The following SKA3 variants were observed in gnomAD, a reference collection of about 807,000 sequenced individuals.
The protein encoded by SKA3 is spindle and kinetochore-associated protein 3.
In SKA3, 39 loss-of-function variants were observed where a neutral mutation model predicts 44.2. The observed-to-expected ratio is 0.88, with a 90% CI of 0.68 to 1.15. The LOEUF (loss-of-function observed/expected upper bound fraction) is 1.15. Among genes scored for constraint, SKA3 ranks in the 50% most tolerant of loss-of-function variants. SKA3 has a pLI of 0.00. For missense variants in SKA3, 511 were observed against 485.8 expected (o/e 1.05, Z -0.49); for synonymous variants, 192 against 172.0 (o/e 1.12, Z -0.91).
At chr13:21,156,573 A>G (rs1039838089) in intron 7 of SKA3, among the ~76,000 whole-genome samples, 4 of 152,244 alleles carry the variant, frequency 2.6e-5, no homozygotes, top group Admixed American at 2.0e-4. Flanking sequence ...TCATAAAGAC[A>G]GAAGATGCTC....
intron 4 of SKA3, among the ~76,000 whole-genome samples, chr13:21,163,585 T>A (rs1870553438): frequency 6.6e-6 from 1 of 152,166 alleles, no homozygotes; most frequent in Admixed American, 6.5e-5. Flanking sequence ...TTTTTTGGTA[T>A]TCTCTCTCTT....
In SKA3 at chr13:21,168,335, A is replaced by T. The variant is rs760222577; in HGVS notation, c.396T>A (p.Thr132=). ...ELSNCENFQK[T]DVKDDLSDPP... ...GATCAGACAGATCATCTTTCACATCAGTCTTCTGAAAATTTTCACAATTAG... is the reference window on the plus strand; with the variant it reads ...GATCAGACAGATCATCTTTCACATCTGTCTTCTGAAAATTTTCACAATTAG... Residue 132 remains threonine (T), a synonymous_variant, in exon 4 of 9, where the codon ACT becomes ACA. Transcript: ENST00000314759. 2 of 1,613,900 alleles carry T rather than the reference A, an allele frequency of 1.2e-6. No homozygotes were observed.
chr13:21,175,408 C>T lies in SKA3; in HGVS notation c.103+967G>A, dbSNP rs564316730. ...TCTCCTACCTCAGCCTCCCGAGTAG[C>T]TGGGACTACCGGCGCCCGCCACCAC... On this transcript the variant is annotated intron_variant, in intron 1 of 8. Transcript: ENST00000314759. 4.0e-5 allele frequency among the ~76,000 whole-genome samples: 6 copies of T among 151,898 alleles called. No individual in the cohort carries two copies. In the East Asian group the frequency reaches 1.2e-3, roughly 29 times the overall value.
Position 21,168,136 on chromosome 13 carries a change from T to G in SKA3, c.595A>C (p.Lys199Gln). 6.2e-7 allele frequency: 1 copy of G among 1,614,230 alleles called. No individual in the cohort carries two copies. Among genetic ancestry groups the G allele is most frequent in the South Asian group, 1.1e-5 (1 of 91,088 alleles). Residue 199 changes from lysine to glutamine, a missense_variant, in exon 4 of 9, where the codon AAA (lysine) becomes CAA (glutamine). Physicochemically the swap from Lys to Gln is moderately conservative, Grantham distance 53 (BLOSUM62 1). Coordinates refer to ENST00000314759, the MANE Select transcript of SKA3 (RefSeq NM_145061.6). ...GCACATTTTGGAGTTTTTAGTACTT[T>G]TACTAGTGATTGTTTGGTAGGTGGG... ...VTPPTKQSLVKVLKTPKCALK... is the reference protein window; with the variant it reads ...VTPPTKQSLVQVLKTPKCALK...
chr13:21,167,639 C>T (rs888371782), intron 4 of SKA3, among the ~76,000 whole-genome samples: 7 of 151,800 alleles, frequency 4.6e-5, no homozygotes, highest in Non-Finnish European at 7.4e-5. Flanking sequence ...TGGTGGCTGG[C>T]GCCTGTATTC....
chr13:21,166,124 TCTC>T (rs1870700331), intron 4 of SKA3, among the ~76,000 whole-genome samples: 1 of 151,740 alleles, frequency 6.6e-6, no homozygotes, highest in Non-Finnish European at 1.5e-5. Flanking sequence ...TTCAAGCAAT[TCTC>T]CTGCTTCAGC....
At chr13:21,165,313 T>C (rs1039903270) in intron 4 of SKA3, among the ~76,000 whole-genome samples, 1 of 151,608 alleles carries the variant, frequency 6.6e-6, no homozygotes, top group Non-Finnish European at 1.5e-5. Flanking sequence ...CACCTACTCC[T>C]TGGGAAGCTG....
intron 1 of SKA3, 156 bp from the exon 2 acceptor site, chr13:21,172,837 G>A (rs200344223): frequency 7.5e-5 from 25 of 334,260 alleles, no homozygotes; most frequent in East Asian, 5.9e-4. Context: ...ATTTTTTACC[G>A]TACCTTTTTT....
At chr13:21,160,316 AC>A (rs1322287076) in intron 5 of SKA3, among the ~76,000 whole-genome samples, 1 of 152,160 alleles carries the variant, frequency 6.6e-6, no homozygotes, top group Admixed American at 6.5e-5. Flanking sequence ...AAGACGGAGA[AC>A]AGGTCACTTG....
At chr13:21,163,215 AAG>A (rs1015544486) in intron 4 of SKA3, among the ~76,000 whole-genome samples, 2 of 151,712 alleles carry the variant, frequency 1.3e-5, no homozygotes, top group Non-Finnish European at 2.9e-5. Context: ...AAAAGAAAGA[AAG>A]AAAGAAAGAA....
chr13:21,167,178 C>T (rs924966973), intron 4 of SKA3, among the ~76,000 whole-genome samples: 2 of 152,174 alleles, frequency 1.3e-5, no homozygotes, highest in African/African-American at 4.8e-5. Context: ...CCTATCCCCC[C>T]ATACTCCAGG....
chr13:21,176,360 G>A lies in SKA3; in HGVS notation c.103+15C>T. On this transcript the variant is annotated intron_variant, in intron 1 of 8. Transcript: ENST00000314759. ...GCACCCCACGCACCGTGCCCTGGCC[G>A]CCCGCCTCACGCACCGCTTTCCTCT... is the stretch of plus-strand genomic sequence containing the variant. 1 of 1,191,624 alleles carries A rather than the reference G, an allele frequency of 8.4e-7. No homozygotes were observed. Among genetic ancestry groups the A allele is most frequent in the Non-Finnish European group, 1.1e-6 (1 of 903,630 alleles). 73.8% of individuals were successfully genotyped at this position (1,191,624 alleles called of 1,614,324 possible). A position where few individuals can be genotyped will look rare whatever the true frequency, so the allele number is the denominator to read the frequency against.
At chr13:21,164,016 G>A (rs1870576143) in intron 4 of SKA3, among the ~76,000 whole-genome samples, 2 of 151,718 alleles carry the variant, frequency 1.3e-5, no homozygotes, top group African/African-American at 4.8e-5. Context: ...CACCCACCTT[G>A]GCCTCCCAAA....
chr13:21,157,189 T>C (rs527728346), intron 7 of SKA3, among the ~76,000 whole-genome samples: 28 of 152,366 alleles, frequency 1.8e-4, no homozygotes, highest in Middle Eastern at 3.4e-3. Flanking sequence ...GCAGTTGTTA[T>C]AAGTCATTAG....
Position 21,172,437 on chromosome 13 carries a change from G to A in SKA3, c.233C>T (p.Ala78Val), listed in dbSNP as rs754092359. The change falls in exon 3 of 9, where the codon GCA becomes GTA. Residue 78 changes from alanine (A) to valine (V), a missense_variant. Ala to Val is a moderately conservative substitution (Grantham distance 64). Transcript: ENST00000314759. ...ATTTTTTTCCATTAGTACTTTTGTTGCCTTTATGAAATCAATGCCTTCTTG... is the reference window on the plus strand; with the variant it reads ...ATTTTTTTCCATTAGTACTTTTGTTACCTTTATGAAATCAATGCCTTCTTG... ...ENQEGIDFIK[A>V]TKVLMEKNSM... 6.3e-7 allele frequency: 1 copy of A among 1,591,828 alleles called. No homozygotes were observed. The highest frequency in any genetic ancestry group is 8.5e-7 in the Non-Finnish European group (1 of 1,172,154).
chr13:21,168,358 T>C lies in SKA3; in HGVS notation c.373A>G (p.Asn125Asp), dbSNP rs1169201304. 8.1e-6 allele frequency: 13 copies of C among 1,613,880 alleles called. No individual in the cohort carries two copies. The highest frequency in any genetic ancestry group is 2.7e-5 in the African/African-American group (2 of 75,016). Residue 125 changes from asparagine to aspartate, a missense_variant, in exon 4 of 9, where the codon AAT becomes GAT. By Grantham distance (23) the Asn-to-Asp change is conservative. Coordinates refer to ENST00000314759, the MANE Select transcript of SKA3 (RefSeq NM_145061.6). ...TCAGTCTTCTGAAAATTTTCACAAT[T>C]AGACAACTCTGGGTCAGAGTTAATG... ...EAINSDPELSNCENFQKTDVK... is the reference protein window; with the variant it reads ...EAINSDPELSDCENFQKTDVK...
At chr13:21,167,049 T>C (rs1343377407) in intron 4 of SKA3, among the ~76,000 whole-genome samples, 1 of 152,240 alleles carries the variant, frequency 6.6e-6, no homozygotes, top group Non-Finnish European at 1.5e-5. Flanking sequence ...ACCATTTCCA[T>C]GCTAATGACT....
rs1870459104 is a variant in SKA3 at position 21,161,869 on chromosome 13, C to T, written c.750G>A (p.Glu250=). The T allele has an allele frequency of 6.2e-7, 1 of 1,608,852 alleles. No individual in the cohort carries two copies. Among genetic ancestry groups the T allele is most frequent in the South Asian group, 1.1e-5 (1 of 90,330 alleles). The change falls in exon 5 of 9, where the codon GAG becomes GAA. Residue 250 remains glutamate (E), a synonymous_variant. Coordinates refer to ENST00000314759, the MANE Select transcript of SKA3 (RefSeq NM_145061.6). ...LKNARNNKSE[E]AIDTESRLND... is the part of the protein sequence containing the mutation. ...TGAGCCTGGATTCTGTATCTATGGC[C>T]TCCTCACTGGTGTGATTCATAGGGA... is the stretch of plus-strand genomic sequence containing the variant.
At chr13:21,155,560 C>A in intron 8 of SKA3, 133 bp downstream of exon 8, 3 of 645,000 alleles carry the variant, frequency 4.7e-6, no homozygotes, top group Non-Finnish European at 8.3e-6. Flanking sequence ...GTGTGCACCA[C>A]CACACCTGGC....
Sources: gnomAD v4.1 joint callset for allele counts (sites outside exome capture counted in the v4.1 genomes callset) on GRCh38, gnomAD v4.1.1 for gene constraint, MANE v1.5 for transcripts, NCBI Gene and HGNC (gene_info 2026-07-23, HGNC 2026-07-21) for gene names.